TLE4: variants seen among roughly 807,000 people sequenced by gnomAD.
TLE4 encodes the protein transducin-like enhancer protein 4.
TLE4 carries 8 observed loss-of-function variants against 92.8 expected under a neutral mutation model. The observed-to-expected ratio is 0.09, with a 90% confidence interval of 0.05 to 0.16. The LOEUF (loss-of-function observed/expected upper bound fraction) is 0.16. Ranked by LOEUF, TLE4 falls within the 10% of genes least tolerant of loss-of-function variation. TLE4 has a pLI of 1.00. For synonymous variants in TLE4, 371 were observed against 374.1 expected, an observed-to-expected ratio of 0.99 and a Z score of 0.10; for missense variants, 675 against 997.6, an observed-to-expected ratio of 0.68 and a Z score of 4.36.
chr9:79,573,109 C>A, intron 1 of TLE4: 1 of 381,338 alleles, frequency 2.6e-6, no homozygotes, highest in Non-Finnish European at 3.6e-6. Flanking sequence ...GGTCCCCGCG[C>A]CGCGACTCCT....
At chr9:79,650,810 C>T (rs1737971411) in intron 6 of TLE4, among the ~76,000 whole-genome samples, 1 of 152,006 alleles carries the variant, frequency 6.6e-6, no homozygotes, top group African/African-American at 2.4e-5. Context: ...ATACTTTATT[C>T]TATTGACTAT....
At chr9:79,583,239 C>T (rs1457562251) in intron 4 of TLE4, among the ~76,000 whole-genome samples, 4 of 152,134 alleles carry the variant, frequency 2.6e-5, no homozygotes, top group Admixed American at 6.6e-5. Context: ...GAGAGCTGCA[C>T]GTGTAACCCT....
At chr9:79,706,441 C>G (rs906983582) in intron 10 of TLE4, among the ~76,000 whole-genome samples, 3 of 149,820 alleles carry the variant, frequency 2.0e-5, no homozygotes, top group African/African-American at 7.4e-5. Context: ...GTGTCATTCT[C>G]TACTGCAGTG....
chr9:79,697,287 T>C (rs1049579664), intron 8 of TLE4, among the ~76,000 whole-genome samples: 1 of 152,192 alleles, frequency 6.6e-6, no homozygotes, highest in Non-Finnish European at 1.5e-5. Context: ...TTGTATGCAG[T>C]TGGCAATTTT....
intron 8 of TLE4, among the ~76,000 whole-genome samples, chr9:79,671,974 T>A (rs1427335972): frequency 6.6e-6 from 1 of 151,384 alleles, no homozygotes; most frequent in Non-Finnish European, 1.5e-5. Context: ...CCTATGCTTT[T>A]TAGGCCATTG....
Position 79,627,407 on chromosome 9 carries a change from G to A in TLE4, c.349G>A (p.Ala117Thr). Residue 117 changes from alanine (A) to threonine (T), a missense_variant, in exon 6 of 20, where the codon GCC becomes ACC. Physicochemically the swap from Ala to Thr is moderately conservative, Grantham distance 58 (BLOSUM62 0). Transcript: ENST00000376552. ...ACAAGTGGTGCAGGCTGTGGAACGGGCCAAGCAGGTGACCATGGCAGAACT... is the reference window on the plus strand; with the variant it reads ...ACAAGTGGTGCAGGCTGTGGAACGGACCAAGCAGGTGACCATGGCAGAACT... ...QQQVVQAVER[A>T]KQVTMAELNA... 1 of 1,614,156 alleles carries A rather than the reference G, an allele frequency of 6.2e-7. No homozygotes were observed. Among genetic ancestry groups the A allele is most frequent in the Non-Finnish European group, 8.5e-7 (1 of 1,180,016 alleles).
chr9:79,663,466 CT>C (rs2060879228), intron 8 of TLE4: 3 of 152,274 alleles, frequency 2.0e-5, no homozygotes, highest in African/African-American at 7.2e-5. Context: ...AACCTTCCCA[CT>C]GCTGCAGAGA....
At chr9:79,656,832 G>C (rs978601797) in intron 8 of TLE4, among the ~76,000 whole-genome samples, 1 of 152,140 alleles carries the variant, frequency 6.6e-6, no homozygotes, top group African/African-American at 2.4e-5. Context: ...AAGTAATTTA[G>C]GTACTTTACC....
At chr9:79,656,626 A>G (rs2059819551) in intron 8 of TLE4, among the ~76,000 whole-genome samples, 1 of 152,196 alleles carries the variant, frequency 6.6e-6, no homozygotes, top group Admixed American at 6.5e-5. Context: ...GTTGCATGTA[A>G]TGAGGATGTG....
Position 79,699,639 on chromosome 9 carries a change from C to T in TLE4, c.610-5144C>T, listed in dbSNP as rs1024757417. On this transcript the variant is annotated intron_variant, in intron 8 of 19. Coordinates refer to ENST00000376552, the MANE Select transcript of TLE4 (RefSeq NM_007005.6). The stretch of plus-strand genomic sequence containing the variant: ...TAGCTGATGAGCAAACAAGCCATAA[C>T]GAATGAGTTTTAGGCTGCTTGATCA... Among the ~76,000 whole-genome samples the T allele has an allele frequency of 5.3e-5, 8 of 152,300 alleles. No homozygotes were observed. The South Asian group carries it at 6.2e-4, about 12-fold the overall frequency.
Position 79,654,170 on chromosome 9 carries a change from G to T in TLE4, c.609+95G>T, listed in dbSNP as rs1240739896. ...AAGAATTCTTTGAGATTTAGAGAAT[G>T]ATTTCATTGGTTAGTAGTGGTTAAC... On this transcript the variant is annotated intron_variant, in intron 8 of 19. Coordinates refer to ENST00000376552, the MANE Select transcript of TLE4 (RefSeq NM_007005.6). The T allele has an allele frequency of 5.4e-6, 7 of 1,287,266 alleles. No homozygotes were observed. In the African/African-American group the frequency reaches 8.9e-5, roughly 16 times the overall value. The allele number at this position is 1,287,266 out of a possible 1,614,324, so 79.7% of individuals were successfully genotyped here.
chr9:79,719,642 C>T (rs566136174), intron 15 of TLE4, among the ~76,000 whole-genome samples: 1 of 152,230 alleles, frequency 6.6e-6, no homozygotes, highest in African/African-American at 2.4e-5. Flanking sequence ...TTCTTGACAT[C>T]AGTAGCAGGA....
intron 6 of TLE4, among the ~76,000 whole-genome samples, chr9:79,640,204 A>G (rs577900832): frequency 2.0e-5 from 3 of 152,260 alleles, no homozygotes; most frequent in South Asian, 4.1e-4. Flanking sequence ...ATACAATGGC[A>G]TACCATGTAG....
chr9:79,632,956 A>G (rs2054702471), intron 6 of TLE4, among the ~76,000 whole-genome samples: 1 of 152,172 alleles, frequency 6.6e-6, no homozygotes, highest in Non-Finnish European at 1.5e-5. Context: ...ACTCACCTGC[A>G]TTCATCAAAC....
intron 3 of TLE4, chr9:79,575,695 G>C (rs1029474874): frequency 6.5e-6 from 1 of 153,826 alleles, no homozygotes; most frequent in Non-Finnish European, 1.4e-5. Context: ...AATATGAGCA[G>C]TACACTAACA....
chr9:79,616,131 C>A (rs1478423333), intron 5 of TLE4, among the ~76,000 whole-genome samples: 3 of 152,180 alleles, frequency 2.0e-5, no homozygotes, highest in Non-Finnish European at 4.4e-5. Context: ...ATTTCGGTCT[C>A]ATTTGCAGGG....
chr9:79,611,504 A>G (rs949824952), intron 4 of TLE4, among the ~76,000 whole-genome samples: 1 of 152,116 alleles, frequency 6.6e-6, no homozygotes, highest in Admixed American at 6.6e-5. Flanking sequence ...TTGCACAAGT[A>G]GAGTGTCACT....
chr9:79,683,128 T>G (rs1466265881), intron 8 of TLE4, among the ~76,000 whole-genome samples: 2 of 152,224 alleles, frequency 1.3e-5, no homozygotes, highest in African/African-American at 4.8e-5. Context: ...TGTCAAGCTG[T>G]CAAACACTTT....
intron 5 of TLE4, among the ~76,000 whole-genome samples, chr9:79,614,097 C>T (rs79627400): frequency 0.011 from 1,703 of 152,180 alleles, 37 homozygotes; most frequent in African/African-American, 0.039. Flanking sequence ...CTTTTGGAAA[C>T]CTGACTGCCC....
Sources: gnomAD v4.1 joint callset for allele counts (sites outside exome capture counted in the v4.1 genomes callset) on GRCh38, gnomAD v4.1.1 for gene constraint, MANE v1.5 for transcripts, NCBI Gene and HGNC (gene_info 2026-07-23, HGNC 2026-07-21) for gene names.